POLDIP3: variants seen among roughly 807,000 people sequenced by gnomAD.
POLDIP3 encodes DNA polymerase delta interacting protein 3, also known as polymerase delta-interacting protein 3.
In POLDIP3, 14 loss-of-function variants were observed where a neutral mutation model predicts 45.1. The observed-to-expected ratio is 0.31, with a 90% CI of 0.20 to 0.49. POLDIP3 has a LOEUF of 0.49. POLDIP3 is among the 20% of genes least tolerant of loss of function. POLDIP3 has a pLI of 0.99. For missense variants in POLDIP3, 511 were observed against 538.8 expected (o/e 0.95, Z 0.51); for synonymous variants, 223 against 205.2 (o/e 1.09, Z -0.74).
chr22:42,588,175 G>T (rs576569990), intron 7 of POLDIP3, among the ~76,000 whole-genome samples: 1 of 152,312 alleles, frequency 6.6e-6, no homozygotes, highest in East Asian at 1.9e-4. Flanking sequence ...GTAAAATGGG[G>T]CCGGGCGCGG....
intron 1 of POLDIP3, among the ~76,000 whole-genome samples, chr22:42,610,842 G>T (rs1793830673): frequency 6.6e-6 from 1 of 152,234 alleles, no homozygotes; most frequent in Non-Finnish European, 1.5e-5. Flanking sequence ...GGAGGCAGAG[G>T]TTGGAGTGAG....
chr22:42,587,035 G>A (rs1212596752), intron 8 of POLDIP3, among the ~76,000 whole-genome samples: 5 of 152,084 alleles, frequency 3.3e-5, no homozygotes, highest in Admixed American at 3.3e-4. Flanking sequence ...TTGACCCCAG[G>A]AGTTTGAAAC....
In POLDIP3 at chr22:42,584,067, T is replaced by C. The variant is rs560876114; in HGVS notation, c.*1724A>G. 1 of 152,610 alleles carries C rather than the reference T, an allele frequency of 6.6e-6. No individual in the cohort carries two copies. Among genetic ancestry groups the C allele is most frequent in the African/African-American group, 2.4e-5 (1 of 41,550 alleles). 9.5% of individuals were successfully genotyped at this position (152,610 alleles called of 1,614,324 possible). ...GGAGGATAAAGCCATGCAGGGAGGA[T>C]ATTTACCATCCCTACCCTAAGCACA... is the stretch of plus-strand genomic sequence containing the variant. On this transcript the variant is annotated 3_prime_UTR_variant, in exon 9 of 9. Transcript: ENST00000252115.
chr22:42,610,866 A>T (rs1218404200), intron 1 of POLDIP3, among the ~76,000 whole-genome samples: 2 of 152,176 alleles, frequency 1.3e-5, no homozygotes, highest in African/African-American at 4.8e-5. Context: ...TGATCTTGCC[A>T]CTGCACTCCA....
At chr22:42,613,794 TGA>T (rs753537740) in intron 1 of POLDIP3, among the ~76,000 whole-genome samples, 4 of 152,108 alleles carry the variant, frequency 2.6e-5, no homozygotes, top group Non-Finnish European at 5.9e-5. Flanking sequence ...AAACATCTGC[TGA>T]GAGAACAAAT....
chr22:42,604,796 G>A (rs1926616205), intron 1 of POLDIP3, among the ~76,000 whole-genome samples: 1 of 152,322 alleles, frequency 6.6e-6, no homozygotes, highest in East Asian at 1.9e-4. Flanking sequence ...CAATATGCCA[G>A]TACCAAACCT....
chr22:42,601,948 C>A (rs770221980), intron 3 of POLDIP3, 22 bp downstream of exon 3: 19 of 1,611,230 alleles, frequency 1.2e-5, no homozygotes, highest in Non-Finnish European at 1.5e-5. Flanking sequence ...TTCTCTCTCT[C>A]TCTCTCACTC....
chr22:42,606,016 C>T (rs1351697058), intron 1 of POLDIP3, among the ~76,000 whole-genome samples: 1 of 152,142 alleles, frequency 6.6e-6, no homozygotes, highest in African/African-American at 2.4e-5. Context: ...GTGGCACGCG[C>T]CTATAATCCT....
At chr22:42,588,871 C>T (rs182859952) in intron 7 of POLDIP3, among the ~76,000 whole-genome samples, 17 of 152,278 alleles carry the variant, frequency 1.1e-4, no homozygotes, top group African/African-American at 4.1e-4. Context: ...GGTGATCCGC[C>T]TGGCGGATTA....
At chr22:42,613,808 T>C (rs180781062) in intron 1 of POLDIP3, among the ~76,000 whole-genome samples, 6 of 152,266 alleles carry the variant, frequency 3.9e-5, no homozygotes, top group Admixed American at 1.3e-4. Context: ...AGAACAAATG[T>C]CTGAGAAAAC....
At chr22:42,603,203 T>C (rs1427878311) in intron 1 of POLDIP3, 43 bp from the exon 2 acceptor site, 4 of 1,583,622 alleles carry the variant, frequency 2.5e-6, no homozygotes, top group South Asian at 1.2e-5. Context: ...GATCTGGGTA[T>C]CTACAGCAGT....
In POLDIP3 at chr22:42,602,396, G is replaced by A. The variant is rs140477202; in HGVS notation, c.451-340C>T. Among the ~76,000 whole-genome samples the A allele has an allele frequency of 3.9e-3, 599 of 152,318 alleles. 4 individuals carry two copies. Among genetic ancestry groups the A allele is most frequent in the African/African-American group, 0.014 (582 of 41,564 alleles). On this transcript the variant is annotated intron_variant, in intron 2 of 8. Coordinates refer to ENST00000252115, the MANE Select transcript of POLDIP3 (RefSeq NM_032311.5). ...AAGGGTGGCCAGGGCCTTGGACTAG[G>A]GGCCAAATCCCACTGGGCCTGGGGG...
chr22:42,595,308 C>T (rs1001066909), intron 6 of POLDIP3, among the ~76,000 whole-genome samples: 1 of 152,228 alleles, frequency 6.6e-6, no homozygotes, highest in Non-Finnish European at 1.5e-5. Context: ...GCATCCTGTG[C>T]GACTCTGCTG....
chr22:42,603,258 T>C (rs1033220321), intron 1 of POLDIP3, 98 bp from the exon 2 acceptor site: 1 of 1,331,680 alleles, frequency 7.5e-7, no homozygotes, highest in African/African-American at 1.5e-5. Context: ...GAGGAGGCCC[T>C]GGAGAATCAG....
At chr22:42,589,843 C>CAA (rs544985562) in intron 7 of POLDIP3, among the ~76,000 whole-genome samples, 13,827 of 128,652 alleles carry the variant, frequency 0.11, 826 homozygotes, top group Admixed American at 0.17. Flanking sequence ...GACTCCGTAT[C>CAA]AAAAAAAAAA....
intron 2 of POLDIP3, 46 bp from the exon 3 acceptor site, chr22:42,602,102 C>T: frequency 1.2e-6 from 2 of 1,613,146 alleles, no homozygotes; most frequent in Non-Finnish European, 1.7e-6. Context: ...GGTCCACATG[C>T]ATTCTCTAGA....
In POLDIP3 at chr22:42,585,121, C is replaced by A; in HGVS notation, c.*670G>T. The A allele has an allele frequency of 2.3e-6, 1 of 437,990 alleles. No homozygotes were observed. The highest frequency in any genetic ancestry group is 4.6e-6 in the Non-Finnish European group (1 of 218,330). The allele number at this position is 437,990 out of a possible 1,614,324, so 27.1% of individuals were successfully genotyped here. A position where few individuals can be genotyped will look rare whatever the true frequency, so the allele number is the denominator to read the frequency against. On this transcript the variant is annotated 3_prime_UTR_variant, in exon 9 of 9. Transcript: ENST00000252115. ...AAAGGGAAAGGTGAACTCTGGAGAA[C>A]TTCCTCTGGGTGGAGACGACACGGG...
At position 42,594,826 on chromosome 22, in the gene POLDIP3, C is replaced by T. The variant is rs537419537; in HGVS notation, c.891+711G>A. Reference sequence around the variant, plus strand: ...CCACCAATCCATCTCACTTCTTTCACTTTGGAATCATCTTGTAATACCTCC... The same window carrying T: ...CCACCAATCCATCTCACTTCTTTCATTTTGGAATCATCTTGTAATACCTCC... On this transcript the variant is annotated intron_variant, in intron 6 of 8. Coordinates refer to ENST00000252115, the MANE Select transcript of POLDIP3 (RefSeq NM_032311.5). 4.6e-5 allele frequency among the ~76,000 whole-genome samples: 7 copies of T among 152,338 alleles called. No individual in the cohort carries two copies. In the South Asian group the frequency reaches 1.4e-3, roughly 32 times the overall value.
intron 1 of POLDIP3, among the ~76,000 whole-genome samples, chr22:42,613,234 C>T (rs1332252486): frequency 6.6e-6 from 1 of 152,200 alleles, no homozygotes; most frequent in Non-Finnish European, 1.5e-5. Flanking sequence ...ACCAGCTTCA[C>T]ATCAGTCACT....
Sources: gnomAD v4.1 joint callset for allele counts (sites outside exome capture counted in the v4.1 genomes callset) on GRCh38, gnomAD v4.1.1 for gene constraint, MANE v1.5 for transcripts, NCBI Gene and HGNC (gene_info 2026-07-23, HGNC 2026-07-21) for gene names.